ZNF793: variants seen among roughly 807,000 people sequenced by gnomAD.
ZNF793 encodes the protein zinc finger protein 793.
In ZNF793, 5 loss-of-function variants were observed where a neutral mutation model predicts 12.4. That is an observed-to-expected ratio of 0.40 (90% CI 0.21 to 0.84). The LOEUF (loss-of-function observed/expected upper bound fraction) is 0.84, where lower values mean the gene tolerates loss of function less well. ZNF793 is among the 40% of genes least tolerant of loss of function. The pLI, the probability that ZNF793 is intolerant of heterozygous loss-of-function variation, is 0.35. For missense variants in ZNF793, 456 were observed against 495.0 expected (o/e 0.92, Z 0.75); for synonymous variants, 162 against 172.4 (o/e 0.94, Z 0.47).
intron 7 of ZNF793, 27 bp from the exon 8 acceptor site, chr19:37,536,870 A>G: frequency 6.4e-7 from 1 of 1,563,510 alleles, no homozygotes; most frequent in Non-Finnish European, 8.6e-7. Context: ...GAAGTTTCAT[A>G]AGGATGATTC....
chr19:37,520,410 G>T (rs1476432236), intron 3 of ZNF793, 98 bp downstream of exon 3: 2 of 152,256 alleles, frequency 1.3e-5, no homozygotes, highest in Non-Finnish European at 2.9e-5. Flanking sequence ...ATTCCCTTCT[G>T]AAGGAATCAC....
intron 2 of ZNF793, among the ~76,000 whole-genome samples, chr19:37,518,251 G>C (rs141230986): frequency 6.6e-6 from 1 of 151,832 alleles, no homozygotes; most frequent in South Asian, 2.1e-4. Context: ...TCAGCCTCCC[G>C]AGTAGCTGGG....
chr19:37,520,393 G>A (rs1239533459), intron 3 of ZNF793, 81 bp downstream of exon 3: 3 of 152,248 alleles, frequency 2.0e-5, no homozygotes, highest in Non-Finnish European at 2.9e-5. Flanking sequence ...GGGAACTTGG[G>A]ATGAAAATTC....
chr19:37,519,352 C>T (rs1364199226), intron 2 of ZNF793, among the ~76,000 whole-genome samples: 1 of 152,118 alleles, frequency 6.6e-6, no homozygotes, highest in Non-Finnish European at 1.5e-5. Flanking sequence ...ATATGATTTC[C>T]ATCTTTGCCA....
intron 5 of ZNF793, among the ~76,000 whole-genome samples, chr19:37,525,753 G>A (rs1246857080): frequency 6.6e-6 from 1 of 152,152 alleles, no homozygotes; most frequent in South Asian, 2.1e-4. Flanking sequence ...GGGGTCAGAG[G>A]GCTGCTTCAA....
At chr19:37,514,547 C>T (rs975057875) in intron 2 of ZNF793, among the ~76,000 whole-genome samples, 10 of 148,666 alleles carry the variant, frequency 6.7e-5, no homozygotes, top group African/African-American at 2.2e-4. Context: ...CAGAGTGAGA[C>T]CCTGTCTCCA....
intron 7 of ZNF793, chr19:37,533,775 A>C: frequency 7.3e-6 from 3 of 410,046 alleles, no homozygotes; most frequent in Admixed American, 4.2e-5. Context: ...AATTTAAATC[A>C]CTCCCATAGA....
intron 5 of ZNF793, among the ~76,000 whole-genome samples, chr19:37,527,259 G>A (rs765228123): frequency 5.3e-5 from 8 of 151,792 alleles, no homozygotes; most frequent in Non-Finnish European, 1.2e-4. Flanking sequence ...TCACCATATC[G>A]GCCAGGCTGG....
In ZNF793 at chr19:37,520,229, G is replaced by A. The variant is rs1335291159; in HGVS notation, c.-230G>A. 1 of 152,408 alleles carries A rather than the reference G, an allele frequency of 6.6e-6. No homozygotes were observed. The highest frequency in any genetic ancestry group is 2.4e-5 in the African/African-American group (1 of 41,460). 9.4% of individuals were successfully genotyped at this position (152,408 alleles called of 1,614,324 possible). A position where few individuals can be genotyped will look rare whatever the true frequency, so the allele number is the denominator to read the frequency against. On this transcript the variant is annotated 5_prime_UTR_variant, in exon 3 of 8. Transcript: ENST00000627814. ...ACCTTTGGATCCTGCCACCTTGCTG[G>A]ACGGGAGGGCTCTCTAGCTCCTGCC...
chr19:37,514,696 C>T lies in ZNF793; in HGVS notation c.-275-5488C>T, dbSNP rs568019425. On this transcript the variant is annotated intron_variant, in intron 2 of 7. Coordinates refer to ENST00000627814, the MANE Select transcript of ZNF793 (RefSeq NM_001013659.3). ...TAAAGCCAACATTGTTGCATTGATT[C>T]CAAAAACTGGAAAAGGTGGCATTTC... 2.6e-5 allele frequency among the ~76,000 whole-genome samples: 4 copies of T among 151,866 alleles called. No homozygotes were observed. The East Asian group carries it at 7.7e-4, about 29-fold the overall frequency.
chr19:37,532,411 G>T lies in ZNF793; in HGVS notation c.71G>T (p.Arg24Leu). 6.2e-7 allele frequency: 1 copy of T among 1,614,082 alleles called. No homozygotes were observed. Among genetic ancestry groups the T allele is most frequent in the Non-Finnish European group, 8.5e-7 (1 of 1,179,986 alleles). ...VVGFTQEEWH[R>L]LSPAQRALYR... ...GGCTTCACCCAAGAGGAGTGGCACC[G>T]GCTGAGTCCTGCTCAGAGGGCCCTG... The change falls in exon 6 of 8, where the codon CGG (arginine) becomes CTG (leucine). Residue 24 changes from arginine to leucine, a missense_variant. Coordinates refer to ENST00000627814, the MANE Select transcript of ZNF793 (RefSeq NM_001013659.3).
chr19:37,531,174 T>TG (rs386388971), intron 5 of ZNF793, among the ~76,000 whole-genome samples: 9 of 151,884 alleles, frequency 5.9e-5, no homozygotes, highest in East Asian at 1.9e-4. Flanking sequence ...TTTGTTTGTT[T>TG]TTTTTTGTTT....
rs1422207232 is a variant in ZNF793 at position 37,543,129 on chromosome 19, AC to A, written c.*5251del. On this transcript the variant is annotated 3_prime_UTR_variant, in exon 8 of 8. Coordinates refer to ENST00000627814, the MANE Select transcript of ZNF793 (RefSeq NM_001013659.3). ...GATTCTATTTTTAAAAAAAGTAAAA[AC>A]TCCTGTGTGTGTATATATGCATGTG... The A allele has an allele frequency of 1.3e-5, 2 of 151,880 alleles. No homozygotes were observed. The highest frequency in any genetic ancestry group is 2.4e-5 in the African/African-American group (1 of 41,296). The allele number at this position is 151,880 out of a possible 1,614,324, so 9.4% of individuals were successfully genotyped here.
chr19:37,522,307 C>T (rs976277016), intron 3 of ZNF793, among the ~76,000 whole-genome samples: 2 of 152,170 alleles, frequency 1.3e-5, no homozygotes, highest in Non-Finnish European at 2.9e-5. Flanking sequence ...AAATGATTCT[C>T]CTGCCTCAGC....
At chr19:37,530,168 G>T (rs2042447003) in intron 5 of ZNF793, among the ~76,000 whole-genome samples, 2 of 152,092 alleles carry the variant, frequency 1.3e-5, no homozygotes, top group South Asian at 2.1e-4. Flanking sequence ...ATTGTTGCCC[G>T]CATGTCCCAC....
rs189828035 is a variant in ZNF793, at chr19:37,525,222, T to G, written c.15+1768T>G. Among the ~76,000 whole-genome samples, 762 of 151,680 alleles carry G rather than the reference T, an allele frequency of 5.0e-3. 1 individual carries two copies. The highest frequency in any genetic ancestry group is 0.017 in the African/African-American group (712 of 41,360). ...GGTGCAATCTTGGCTCACTGCCAACTCCTCCTTCCGGGTTCACGCCATTCT... is the reference window on the plus strand; with the variant it reads ...GGTGCAATCTTGGCTCACTGCCAACGCCTCCTTCCGGGTTCACGCCATTCT... On this transcript the variant is annotated intron_variant, in intron 5 of 7. Coordinates refer to ENST00000627814, the MANE Select transcript of ZNF793 (RefSeq NM_001013659.3).
At chr19:37,526,971 G>A (rs1320094100) in intron 5 of ZNF793, among the ~76,000 whole-genome samples, 2 of 152,106 alleles carry the variant, frequency 1.3e-5, no homozygotes, top group African/African-American at 2.4e-5. Flanking sequence ...CTTTTGAGAT[G>A]TTGTCTCGCT....
At position 37,540,547 on chromosome 19, in the gene ZNF793, C is replaced by T. The variant is rs1026923132; in HGVS notation, c.*2668C>T. The T allele has an allele frequency of 1.3e-4, 19 of 151,470 alleles. No homozygotes were observed. The South Asian group carries it at 2.1e-3, about 17-fold the overall frequency. The allele number at this position is 151,470 out of a possible 1,614,324, so 9.4% of individuals were successfully genotyped here. ...TGTAATAGATGGGAACCACTTAAAGCGGTTTTTCTTAAAAAAAATTTTTTT... is the reference window on the plus strand; with the variant it reads ...TGTAATAGATGGGAACCACTTAAAGTGGTTTTTCTTAAAAAAAATTTTTTT... On this transcript the variant is annotated 3_prime_UTR_variant, in exon 8 of 8. Coordinates refer to ENST00000627814, the MANE Select transcript of ZNF793 (RefSeq NM_001013659.3).
At chr19:37,511,369 A>G (rs530163074) in intron 2 of ZNF793, among the ~76,000 whole-genome samples, 1 of 152,330 alleles carries the variant, frequency 6.6e-6, no homozygotes, top group Non-Finnish European at 1.5e-5. Context: ...CTGAAACCAC[A>G]TGAATACCAG....
Sources: gnomAD v4.1 joint callset for allele counts (sites outside exome capture counted in the v4.1 genomes callset) on GRCh38, gnomAD v4.1.1 for gene constraint, MANE v1.5 for transcripts, NCBI Gene and HGNC (gene_info 2026-07-23, HGNC 2026-07-21) for gene names.